Variants in ITGA5 observed in about 807,000 individuals in gnomAD.
ITGA5 encodes integrin subunit alpha 5, also known as integrin alpha-5.
ITGA5 carries 55 observed loss-of-function variants against 146.3 expected under a neutral mutation model. That is an observed-to-expected ratio of 0.38 (90% CI 0.30 to 0.47). The LOEUF is 0.47. ITGA5 is among the 20% of genes least tolerant of loss of function. The pLI is 0.99. For missense variants in ITGA5, 1,131 were observed against 1,329.0 expected (o/e 0.85, Z 2.32); for synonymous variants, 500 against 531.8 (o/e 0.94, Z 0.82).
At chr12:54,402,904 C>T in intron 19 of ITGA5, 79 bp downstream of exon 19, 2 of 1,177,386 alleles carry the variant, frequency 1.7e-6, no homozygotes, top group South Asian at 2.5e-5. Context: ...CAAGGCGACA[C>T]AGCTAGTATG....
intron 13 of ITGA5, 51 bp downstream of exon 13, chr12:54,404,652 G>A (rs1394150041): frequency 3.2e-6 from 5 of 1,539,090 alleles, no homozygotes; most frequent in African/African-American, 1.4e-5. Context: ...GAGAGTAGGG[G>A]TCAGTGACCA....
At chr12:54,408,078 C>T (rs374075416) in intron 7 of ITGA5, 32 bp downstream of exon 7, 2 of 1,613,190 alleles carry the variant, frequency 1.2e-6, no homozygotes, top group Non-Finnish European at 1.7e-6. Context: ...GAGGTTCTCC[C>T]TCTGCCATCC....
intron 29 of ITGA5, among the ~76,000 whole-genome samples, chr12:54,396,900 G>A (rs996462774): frequency 6.6e-6 from 1 of 152,054 alleles, no homozygotes; most frequent in Non-Finnish European, 1.5e-5. Flanking sequence ...TACCCAGGCT[G>A]GTCTTGAATT....
Position 54,403,539 on chromosome 12 carries a change from C to A in ITGA5, c.1776+86G>T. 1 of 1,455,912 alleles carries A rather than the reference C, an allele frequency of 6.9e-7. No individual in the cohort carries two copies. The allele number at this position is 1,455,912 out of a possible 1,614,324, so 90.2% of individuals were successfully genotyped here. ...AGTCCCAAGCCCTTCACTGGAGTCC[C>A]CCAGTCTTTTTCCCTTCAGGAGGTG... On this transcript the variant is annotated intron_variant, in intron 17 of 29. Transcript: ENST00000293379. This position sits in a 1 kb window ranked among gnomAD's most constrained non-coding sequence, Gnocchi z 4.9.
intron 27 of ITGA5, 109 bp from the exon 28 acceptor site, chr12:54,398,807 C>A: frequency 4.5e-6 from 2 of 442,656 alleles, no homozygotes; most frequent in Non-Finnish European, 4.0e-6. Flanking sequence ...TGGGCTCATT[C>A]TTCCTGAGTC....
rs1216744549 is a variant in ITGA5, at chr12:54,419,074, A to T, written c.125T>A (p.Phe42Tyr). The T allele has an allele frequency of 1.3e-6, 2 of 1,584,144 alleles. No individual in the cohort carries two copies. The highest frequency in any genetic ancestry group is 1.7e-6 in the Non-Finnish European group (2 of 1,169,166). ...LLPPPPRVGG[F>Y]NLDAEAPAVL... ...TGCTGGGGCCTCCGCGTCTAAGTTG[A>T]AGCCCCCGACCCTGGGTGGCGGCGG... Residue 42 changes from phenylalanine (F) to tyrosine (Y), a missense_variant, in exon 1 of 30, where the codon TTC (phenylalanine) becomes TAC (tyrosine). Around this residue, in one of 3 missense-constraint regions of ITGA5, gnomAD observed 175 missense variants for 179.3 expected, o/e 0.98. Transcript: ENST00000293379.
Position 54,404,812 on chromosome 12 carries a change from G to T in ITGA5, c.1308C>A (p.Gly436=). Residue 436 remains glycine (G), a synonymous_variant, in exon 13 of 30, where the codon GGC becomes GGA. Transcript: ENST00000293379. ...FVFPGGPGGL[G]SKPSQVLQPL... is the part of the protein sequence containing the mutation. ...GCTGCAGAACCTGGGAAGGCTTAGA[G>T]CCCAGCCCTCCTGGGCCCCCAGGAA... is the stretch of plus-strand genomic sequence containing the variant. 1 of 1,613,606 alleles carries T rather than the reference G, an allele frequency of 6.2e-7. No homozygotes were observed. Among genetic ancestry groups the T allele is most frequent in the Admixed American group, 1.7e-5 (1 of 59,914 alleles).
rs778837837 is a variant in ITGA5 at position 54,401,442 on chromosome 12, G to A, written c.2424C>T (p.Ser808=). ...SKPEAVLFPV[S]DWHPRDQPQK... The stretch of plus-strand genomic sequence containing the variant: ...GAGGCTGGTCTCGGGGATGCCAGTC[G>A]CTTACTGGGAATAGCACTGCCTCAG... The change falls in exon 24 of 30, where the codon AGC becomes AGT. Residue 808 remains serine, a synonymous_variant. Coordinates refer to ENST00000293379, the MANE Select transcript of ITGA5 (RefSeq NM_002205.5). This position sits in a 1 kb window ranked among gnomAD's most constrained non-coding sequence, Gnocchi z 5.0. 20 of 1,614,008 alleles carry A rather than the reference G, an allele frequency of 1.2e-5. No homozygotes were observed. Among genetic ancestry groups the A allele is most frequent in the East Asian group, 2.2e-5 (1 of 44,882 alleles).
Position 54,409,279 on chromosome 12 carries a change from G to C in ITGA5, c.536C>G (p.Ser179Cys), listed in dbSNP as rs1955909811. Residue 179 changes from serine (S) to cysteine (C), a missense_variant, in exon 4 of 30, where the codon TCC becomes TGC. This residue lies in a region of ITGA5 where 67 missense variants were observed against 128.2 expected (regional missense o/e 0.52). Transcript: ENST00000293379. This position sits in a 1 kb window ranked among gnomAD's most constrained non-coding sequence, Gnocchi z 4.7. ...LSDPVGTCYL[S>C]TDNFTRILEY... is the part of the protein sequence containing the mutation. ...CAGAATTCGGGTGAAGTTATCTGTG[G>C]AGAGGTAGCAGGTGCCCACGGGGTC... 1.2e-6 allele frequency: 2 copies of C among 1,613,976 alleles called. No homozygotes were observed. The highest frequency in any genetic ancestry group is 3.3e-5 in the Admixed American group (2 of 60,012).
intron 1 of ITGA5, among the ~76,000 whole-genome samples, chr12:54,414,930 C>T (rs371886315): frequency 6.6e-5 from 10 of 152,260 alleles, no homozygotes; most frequent in African/African-American, 2.4e-4. Context: ...AGGCAGATCA[C>T]CTGAGGTCGG....
At chr12:54,396,497 G>C in intron 29 of ITGA5, 121 bp from the exon 30 acceptor site, 1 of 776,456 alleles carries the variant, frequency 1.3e-6, no homozygotes, top group East Asian at 2.7e-5. Context: ...TGCAAAAGTG[G>C]CCTCTGAATT....
intron 29 of ITGA5, 96 bp downstream of exon 29, chr12:54,397,269 G>A: frequency 7.2e-7 from 1 of 1,388,282 alleles, no homozygotes; most frequent in Non-Finnish European, 1.0e-6. Context: ...GCACATGGCT[G>A]GTGAACTGGT....
At position 54,403,521 on chromosome 12, in the gene ITGA5, A is replaced by T; in HGVS notation, c.1776+104T>A. On this transcript the variant is annotated intron_variant, in intron 17 of 29. Transcript: ENST00000293379. This position sits in a 1 kb window ranked among gnomAD's most constrained non-coding sequence, Gnocchi z 4.9. Reference sequence around the variant, plus strand: ...TTTCTCAGCCCCTACAAGAGTCCCAAGCCCTTCACTGGAGTCCCCCAGTCT... The same window carrying T: ...TTTCTCAGCCCCTACAAGAGTCCCATGCCCTTCACTGGAGTCCCCCAGTCT... 7.2e-7 allele frequency: 1 copy of T among 1,389,218 alleles called. No homozygotes were observed. Among genetic ancestry groups the T allele is most frequent in the South Asian group, 1.4e-5 (1 of 72,692 alleles). The allele number at this position is 1,389,218 out of a possible 1,614,324, so 86.1% of individuals were successfully genotyped here. A position where few individuals can be genotyped will look rare whatever the true frequency, so the allele number is the denominator to read the frequency against.
Position 54,403,936 on chromosome 12 carries a change from A to G in ITGA5, c.1596T>C (p.Ser532=). The part of the protein sequence containing the change: ...CINLSFCLNA[S]GKHVADSIGF... ...CAATGGAGTCAGCAACGTGTTTTCCAGAAGCATTGAGGCAGAAGCTAAGGT... is the reference window on the plus strand; with the variant it reads ...CAATGGAGTCAGCAACGTGTTTTCCGGAAGCATTGAGGCAGAAGCTAAGGT... Residue 532 remains serine, a synonymous_variant, in exon 16 of 30, where the codon TCT becomes TCC. Coordinates refer to ENST00000293379, the MANE Select transcript of ITGA5 (RefSeq NM_002205.5). The surrounding 1 kb of genome is among the most constrained non-coding windows in gnomAD (Gnocchi z 4.9). 1 of 1,614,250 alleles carries G rather than the reference A, an allele frequency of 6.2e-7. No homozygotes were observed. The highest frequency in any genetic ancestry group is 8.5e-7 in the Non-Finnish European group (1 of 1,180,044).
Position 54,419,199 on chromosome 12 carries a change from A to T in ITGA5, c.-1T>A. 1 of 1,555,436 alleles carries T rather than the reference A, an allele frequency of 6.4e-7. No homozygotes were observed. The highest frequency in any genetic ancestry group is 2.4e-5 in the East Asian group (1 of 41,276). ...GGGACTCTGGCGTCCGGCTCCCCAT[A>T]GCGCCCGCTCTTCCCTGTCCTGGGG... is the stretch of plus-strand genomic sequence containing the variant. On this transcript the variant is annotated 5_prime_UTR_variant, in exon 1 of 30. Transcript: ENST00000293379.
At position 54,404,858 on chromosome 12, in the gene ITGA5, T is replaced by A. The variant is rs1955841705; in HGVS notation, c.1262A>T (p.Gln421Leu). The A allele has an allele frequency of 1.2e-6, 2 of 1,602,348 alleles. No homozygotes were observed. The highest frequency in any genetic ancestry group is 1.7e-6 in the Non-Finnish European group (2 of 1,175,532). Residue 421 changes from glutamine (Q) to leucine (L), a missense_variant, in exon 13 of 30, where the codon CAG becomes CTG. This residue lies in a region of ITGA5 where 889 missense variants were observed against 1,021.5 expected (regional missense o/e 0.87). Transcript: ENST00000293379. ...AGGAAATACAAACACTACTCCCTGC[T>A]GGGTCTCCCCACCAAAGGGAGCCCC... ...AIGAPFGGET[Q>L]QGVVFVFPGG... is the part of the protein sequence containing the mutation.
In ITGA5 at chr12:54,411,930, T is replaced by A. The variant is rs1275562523; in HGVS notation, c.253A>T (p.Thr85Ser). ...SVLVGAPKAN[T>S]SQPGVLQGGA... ...CCCTGCAGCACTCCTGGCTGGCTGG[T>A]ATTAGCCTTGGGTGCTCCCACCAGC... The change falls in exon 2 of 30, where the codon ACC (threonine) becomes TCC (serine). Residue 85 changes from threonine (T) to serine (S), a missense_variant. Around this residue, in one of 3 missense-constraint regions of ITGA5, gnomAD observed 175 missense variants for 179.3 expected, o/e 0.98. Coordinates refer to ENST00000293379, the MANE Select transcript of ITGA5 (RefSeq NM_002205.5). The A allele has an allele frequency of 6.2e-7, 1 of 1,603,700 alleles. No individual in the cohort carries two copies. Among genetic ancestry groups the A allele is most frequent in the Non-Finnish European group, 8.5e-7 (1 of 1,174,814 alleles).
In ITGA5 at chr12:54,409,976, C is replaced by A. The variant is rs1955921190; in HGVS notation, c.350-379G>T. On this transcript the variant is annotated intron_variant, in intron 2 of 29. Transcript: ENST00000293379. The surrounding 1 kb of genome is among the most constrained non-coding windows in gnomAD (Gnocchi z 4.7). Reference sequence around the variant, plus strand: ...GGTTCAAGGGATTCTCCTGCCTCAGCCTCCTCAGTAGCTGGGATTACAGGT... The same window carrying A: ...GGTTCAAGGGATTCTCCTGCCTCAGACTCCTCAGTAGCTGGGATTACAGGT... Among the ~76,000 whole-genome samples, 1 of 152,048 alleles carries A rather than the reference C, an allele frequency of 6.6e-6. No individual in the cohort carries two copies. Among genetic ancestry groups the A allele is most frequent in the African/African-American group, 2.4e-5 (1 of 41,408 alleles).
chr12:54,400,745 T>C, intron 25 of ITGA5, 101 bp downstream of exon 25: 3 of 1,197,102 alleles, frequency 2.5e-6, no homozygotes, highest in Non-Finnish European at 3.6e-6. Context: ...TATAGGCACA[T>C]CCTCATTGCC....
Sources: allele counts gnomAD v4.1 joint callset (sites outside exome capture counted in the v4.1 genomes callset), GRCh38; gene constraint gnomAD v4.1.1; regional missense constraint gnomAD v4.1.1; non-coding constraint Gnocchi (gnomAD v3.1); transcripts MANE v1.5; gene names NCBI Gene and HGNC (gene_info 2026-07-23, HGNC 2026-07-21).